The following ITGBL1 variants were observed in gnomAD, a reference collection of about 807,000 sequenced individuals.
The protein encoded by ITGBL1 is integrin beta-like protein 1.
A neutral mutation model predicts 68.5 loss-of-function variants in ITGBL1; 51 were observed. The observed-to-expected ratio is 0.74, with a 90% CI of 0.59 to 0.94. ITGBL1 has a LOEUF of 0.94. ITGBL1 is among the 40% of genes least tolerant of loss of function. The pLI, the probability that ITGBL1 is intolerant of heterozygous loss-of-function variation, is 0.00. For missense variants in ITGBL1, 649 were observed against 647.4 expected, an observed-to-expected ratio of 1.00 and a Z score of -0.03; for synonymous variants, 209 against 227.3, an observed-to-expected ratio of 0.92 and a Z score of 0.72.
At chr13:101,638,963 T>C (rs1270241244) in intron 7 of ITGBL1, among the ~76,000 whole-genome samples, 2 of 152,168 alleles carry the variant, frequency 1.3e-5, no homozygotes, top group Non-Finnish European at 2.9e-5. Flanking sequence ...TATTAATTTT[T>C]TGAAATGGTA....
chr13:101,663,950 CTT>C (rs942661661), intron 7 of ITGBL1, among the ~76,000 whole-genome samples: 20 of 152,076 alleles, frequency 1.3e-4, no homozygotes, highest in African/African-American at 2.7e-4. Flanking sequence ...CTCTCTCTCT[CTT>C]GAGAAACAGC....
At chr13:101,644,459 A>T (rs2032494140) in intron 7 of ITGBL1, among the ~76,000 whole-genome samples, 1 of 152,188 alleles carries the variant, frequency 6.6e-6, no homozygotes, top group Non-Finnish European at 1.5e-5. Flanking sequence ...ATGGACACTG[A>T]TGTCGCCTTG....
chr13:101,685,337 G>T (rs1190900443), intron 7 of ITGBL1, among the ~76,000 whole-genome samples: 1 of 151,890 alleles, frequency 6.6e-6, no homozygotes, highest in Non-Finnish European at 1.5e-5. Context: ...TATTAGGTTG[G>T]GTTAGTGTTG....
intron 2 of ITGBL1, among the ~76,000 whole-genome samples, chr13:101,483,131 A>G (rs1226122335): frequency 6.6e-6 from 1 of 152,210 alleles, no homozygotes; most frequent in Non-Finnish European, 1.5e-5. Flanking sequence ...CAGGCTTCAC[A>G]TGGTGGCTAA....
chr13:101,544,986 C>T (rs2139196999), intron 2 of ITGBL1, among the ~76,000 whole-genome samples: 2 of 152,320 alleles, frequency 1.3e-5, no homozygotes, highest in South Asian at 4.1e-4. Flanking sequence ...AATTCCCTGA[C>T]CCCTTGTGCT....
chr13:101,606,124 A>ATG (rs2030837993), intron 7 of ITGBL1, among the ~76,000 whole-genome samples: 1 of 145,904 alleles, frequency 6.9e-6, no homozygotes, highest in East Asian at 2.0e-4. Context: ...ATATATATAT[A>ATG]TAGCCTTCAC....
chr13:101,631,732 C>T lies in ITGBL1; in HGVS notation c.1015+33433C>T, dbSNP rs1023549652. On this transcript the variant is annotated intron_variant, in intron 7 of 10. Coordinates refer to ENST00000376180, the MANE Select transcript of ITGBL1 (RefSeq NM_004791.3). Reference sequence around the variant, plus strand: ...AAAATTTTGCTCCATTATTTTATAGCTACATAGAATATGAAAAGATATTTA... The same window carrying T: ...AAAATTTTGCTCCATTATTTTATAGTTACATAGAATATGAAAAGATATTTA... Among the ~76,000 whole-genome samples, 4 of 152,078 alleles carry T rather than the reference C, an allele frequency of 2.6e-5. No homozygotes were observed. The East Asian group carries it at 7.7e-4, about 29-fold the overall frequency.
At position 101,604,875 on chromosome 13, in the gene ITGBL1, T is replaced by TACACACACACAC. The variant is rs1425746436; in HGVS notation, c.1015+6577_1015+6578insCACACACACACA. Among the ~76,000 whole-genome samples, 21 of 20,316 alleles carry TACACACACACAC rather than the reference T, an allele frequency of 1.0e-3. No individual in the cohort carries two copies. In the East Asian group the frequency reaches 0.041, roughly 40 times the overall value. The allele number at this position is 20,316 out of a possible 152,430, so 13.3% of individuals were successfully genotyped here. On this transcript the variant is annotated intron_variant, in intron 7 of 10. Coordinates refer to ENST00000376180, the MANE Select transcript of ITGBL1 (RefSeq NM_004791.3). ...ATATATATATATATATATATATATA[T>TACACACACACAC]ATATATATATATACACACACACACA...
intron 2 of ITGBL1, among the ~76,000 whole-genome samples, chr13:101,493,141 A>G (rs1000654444): frequency 1.3e-5 from 2 of 152,168 alleles, no homozygotes; most frequent in African/African-American, 2.4e-5. Flanking sequence ...TCAAGATTTT[A>G]CTCAAGGAGC....
intron 8 of ITGBL1, among the ~76,000 whole-genome samples, chr13:101,705,532 A>G (rs1017708005): frequency 1.3e-5 from 2 of 152,020 alleles, no homozygotes; most frequent in Middle Eastern, 3.2e-3. Flanking sequence ...CATGCTCTCA[A>G]TTCTCACAGC....
intron 2 of ITGBL1, among the ~76,000 whole-genome samples, chr13:101,517,400 G>A (rs1443646062): frequency 1.3e-5 from 2 of 152,144 alleles, no homozygotes; most frequent in African/African-American, 2.4e-5. Flanking sequence ...GTGCTTAATT[G>A]TGACTGCACG....
chr13:101,546,805 A>C (rs1285332834), intron 2 of ITGBL1, among the ~76,000 whole-genome samples: 1 of 152,096 alleles, frequency 6.6e-6, no homozygotes, highest in Non-Finnish European at 1.5e-5. Context: ...TCAAAAAGAG[A>C]TAGAACATGT....
At chr13:101,482,576 A>G (rs1279454649) in intron 2 of ITGBL1, among the ~76,000 whole-genome samples, 1 of 152,154 alleles carries the variant, frequency 6.6e-6, no homozygotes, top group Non-Finnish European at 1.5e-5. Context: ...AATGGAAAAC[A>G]CCCTAAATAT....
At chr13:101,579,086 G>T (rs557715832) in intron 4 of ITGBL1, among the ~76,000 whole-genome samples, 17 of 152,264 alleles carry the variant, frequency 1.1e-4, no homozygotes, top group African/African-American at 4.1e-4. Flanking sequence ...AGGACACTTT[G>T]CTCTTTTTGT....
rs74761829 is a variant in ITGBL1, at chr13:101,519,900, G to C, written c.317-47799G>C. Among the ~76,000 whole-genome samples, 686 of 152,268 alleles carry C rather than the reference G, an allele frequency of 4.5e-3. 5 individuals carry two copies. The highest frequency in any genetic ancestry group is 7.8e-3 in the Non-Finnish European group (533 of 68,022). On this transcript the variant is annotated intron_variant, in intron 2 of 10. Coordinates refer to ENST00000376180, the MANE Select transcript of ITGBL1 (RefSeq NM_004791.3). ...CCCCATTTCTACATCAGTGTCTCAT[G>C]TGGTAAAAAGATTCAGATATTTACT...
intron 7 of ITGBL1, among the ~76,000 whole-genome samples, chr13:101,633,774 T>A (rs1437426378): frequency 6.6e-6 from 1 of 152,134 alleles, no homozygotes; most frequent in African/African-American, 2.4e-5. Flanking sequence ...TGTGGCAAAA[T>A]CTAGAAAAAA....
intron 7 of ITGBL1, among the ~76,000 whole-genome samples, chr13:101,671,371 ACTTTCC>A (rs2033354781): frequency 6.6e-6 from 1 of 151,236 alleles, no homozygotes; most frequent in Non-Finnish European, 1.5e-5. Context: ...ATTTAAGGAA[ACTTTCC>A]CTCTTAAGCT....
intron 2 of ITGBL1, among the ~76,000 whole-genome samples, chr13:101,470,342 T>C (rs1057281203): frequency 6.6e-6 from 1 of 152,046 alleles, no homozygotes; most frequent in Admixed American, 6.6e-5. Flanking sequence ...TTTATTTTTT[T>C]TTTTTGAGAT....
chr13:101,689,171 CT>C (rs1287728585), intron 7 of ITGBL1, among the ~76,000 whole-genome samples: 2 of 133,192 alleles, frequency 1.5e-5, no homozygotes, highest in East Asian at 5.2e-4. Context: ...CAACACTGCA[CT>C]GCCAGCACTC....
Sources: allele counts gnomAD v4.1 joint callset (sites outside exome capture counted in the v4.1 genomes callset), GRCh38; gene constraint gnomAD v4.1.1; transcripts MANE v1.5; gene names NCBI Gene and HGNC (gene_info 2026-07-23, HGNC 2026-07-21).